Variants in ARHGAP22 observed in about 807,000 individuals in gnomAD.
The protein encoded by ARHGAP22 is Rho GTPase activating protein 22.
ARHGAP22 carries 48 observed loss-of-function variants against 59.1 expected under a neutral mutation model. That is an observed-to-expected ratio of 0.81 (90% confidence interval 0.64 to 1.03). The LOEUF is 1.03. Ranked by LOEUF, ARHGAP22 falls within the 50% of genes least tolerant of loss-of-function variation. The pLI, the probability that ARHGAP22 is intolerant of heterozygous loss-of-function variation, is 0.00. For missense variants in ARHGAP22, 1,015 were observed against 958.7 expected (o/e 1.06, Z -0.78); for synonymous variants, 445 against 416.4 (o/e 1.07, Z -0.84).
chr10:48,645,374 A>G lies in ARHGAP22; in HGVS notation c.52+6860T>C, dbSNP rs192323569. Among the ~76,000 whole-genome samples the G allele has an allele frequency of 1.3e-4, 20 of 152,338 alleles. No homozygotes were observed. In the East Asian group the frequency reaches 3.9e-3, roughly 29 times the overall value. ...CATACATAAAAATGCTCAACAAAAT[A>G]TTAGCAAAGTAAATTCAGCAAGATA... is the stretch of plus-strand genomic sequence containing the variant. On this transcript the variant is annotated intron_variant, in intron 1 of 9. Coordinates refer to the ARHGAP22 transcript ENST00000435790.
At chr10:48,631,182 T>G (rs1256545243) in intron 1 of ARHGAP22, among the ~76,000 whole-genome samples, 1 of 152,150 alleles carries the variant, frequency 6.6e-6, no homozygotes, top group East Asian at 1.9e-4. Context: ...ATAATTCTTT[T>G]TATACATTAT....
At chr10:48,654,773 ACTTTCTTTCTTTCTTTCTTTCTTT>A (rs201340687), upstream of ARHGAP22, among the ~76,000 whole-genome samples, 12 of 112,264 alleles carry the variant, frequency 1.1e-4, no homozygotes, top group East Asian at 5.8e-4. Context: ...CATGCTGATT[ACTTTCTTTCTTTCTTTCTTTCTTT>A]CTTTCTTTCT....
intron 1 of ARHGAP22, among the ~76,000 whole-genome samples, chr10:48,634,034 T>A (rs560419479): frequency 4.6e-5 from 7 of 152,340 alleles, no homozygotes; most frequent in Admixed American, 4.6e-4. Flanking sequence ...CTTGTTTCTA[T>A]GATAACTGGC....
intron 4 of ARHGAP22, among the ~76,000 whole-genome samples, chr10:48,476,131 A>G (rs1267669313): frequency 6.6e-6 from 1 of 152,204 alleles, no homozygotes; most frequent in African/African-American, 2.4e-5. Flanking sequence ...CGTGAGAACC[A>G]TGAGGCCAGT....
chr10:48,539,895 T>C (rs1045629076), intron 3 of ARHGAP22, among the ~76,000 whole-genome samples: 3 of 152,228 alleles, frequency 2.0e-5, no homozygotes, highest in Admixed American at 6.5e-5. Flanking sequence ...TAATTTAAAC[T>C]AATTTATAGC....
chr10:48,596,344 G>C (rs1211223789), intron 1 of ARHGAP22, among the ~76,000 whole-genome samples: 5 of 152,232 alleles, frequency 3.3e-5, no homozygotes, highest in African/African-American at 1.2e-4. Flanking sequence ...GAGCTAACGG[G>C]GGACAGATGC....
chr10:48,507,168 C>CA (rs2052229630), intron 3 of ARHGAP22, among the ~76,000 whole-genome samples: 1 of 152,198 alleles, frequency 6.6e-6, no homozygotes, highest in Non-Finnish European at 1.5e-5. Context: ...CTGTCCCTTC[C>CA]ATACACAGAG....
chr10:48,602,698 C>G (rs1356131238), intron 1 of ARHGAP22, among the ~76,000 whole-genome samples: 1 of 152,126 alleles, frequency 6.6e-6, no homozygotes, highest in Non-Finnish European at 1.5e-5. Context: ...TAATGATGTC[C>G]CCGAACAGAA....
intron 1 of ARHGAP22, among the ~76,000 whole-genome samples, chr10:48,617,439 C>T (rs7904633): frequency 0.55 from 84,096 of 151,758 alleles, 23,771 homozygotes; most frequent in African/African-American, 0.66. Flanking sequence ...GTCCAGGATA[C>T]ACCACATTTT....
chr10:48,458,385 G>A (rs2046784204), intron 5 of ARHGAP22, among the ~76,000 whole-genome samples: 1 of 152,158 alleles, frequency 6.6e-6, no homozygotes, highest in African/African-American at 2.4e-5. Flanking sequence ...GCCAGGTGGA[G>A]AAAGGAGGCT....
chr10:48,606,514 T>C (rs1180107965), upstream of ARHGAP22, among the ~76,000 whole-genome samples: 2 of 152,210 alleles, frequency 1.3e-5, no homozygotes, highest in African/African-American at 4.8e-5. Flanking sequence ...GGTTCTTTCA[T>C]GGTAGCATCC....
chr10:48,440,185 T>C, the ARHGAP22 span, among the ~76,000 whole-genome samples: 1 of 152,194 alleles, frequency 6.6e-6, no homozygotes, highest in Non-Finnish European at 1.5e-5. Flanking sequence ...TAAGTGAAGA[T>C]TGATTTGTAG....
intron 5 of ARHGAP22, among the ~76,000 whole-genome samples, chr10:48,458,429 G>A (rs868589720): frequency 6.6e-6 from 1 of 152,126 alleles, no homozygotes; most frequent in Admixed American, 6.5e-5. Context: ...GGGAGAGCAG[G>A]TGTGCCCAGG....
intron 1 of ARHGAP22, among the ~76,000 whole-genome samples, chr10:48,644,874 C>T (rs1429461989): frequency 2.6e-5 from 4 of 150,972 alleles, no homozygotes; most frequent in Non-Finnish European, 5.9e-5. Flanking sequence ...AAATTAGAAA[C>T]TAAATCTAAA....
At chr10:48,584,260 C>T (rs554326911) in intron 1 of ARHGAP22, among the ~76,000 whole-genome samples, 2 of 152,328 alleles carry the variant, frequency 1.3e-5, no homozygotes, top group South Asian at 4.1e-4. Context: ...AAGCTCTTCC[C>T]ACTACACTAG....
chr10:48,654,770 A>AT (rs1345811939), upstream of ARHGAP22, among the ~76,000 whole-genome samples: 77 of 138,382 alleles, frequency 5.6e-4, 1 homozygote, highest in Non-Finnish European at 9.6e-4. Flanking sequence ...GGACATGCTG[A>AT]TTACTTTCTT....
At chr10:48,645,230 T>C (rs2062243886) in intron 1 of ARHGAP22, among the ~76,000 whole-genome samples, 1 of 152,150 alleles carries the variant, frequency 6.6e-6, no homozygotes, top group Non-Finnish European at 1.5e-5. Context: ...TCACAACATT[T>C]TTCAGAAAAT....
At chr10:48,436,589 A>G in the ARHGAP22 span, 4 of 152,238 alleles carry the variant, frequency 2.6e-5, no homozygotes, top group Admixed American at 6.5e-5. Context: ...AGGAGCAAGA[A>G]CAGGTGCGGC....
chr10:48,588,326 T>TGCTAA (rs1482961974), intron 1 of ARHGAP22, among the ~76,000 whole-genome samples: 1 of 152,198 alleles, frequency 6.6e-6, no homozygotes, highest in Non-Finnish European at 1.5e-5. Context: ...TTCCTGCAGA[T>TGCTAA]GCTACTGAAG....
Sources: gnomAD v4.1 joint callset for allele counts (sites outside exome capture counted in the v4.1 genomes callset) on GRCh38, gnomAD v4.1.1 for gene constraint, MANE v1.5 for transcripts, NCBI Gene and HGNC (gene_info 2026-07-23, HGNC 2026-07-21) for gene names.